MYLK4: variants seen among roughly 807,000 people sequenced by gnomAD.
The protein encoded by MYLK4 is myosin light chain kinase family member 4, also known as caMLCK like.
Under a neutral mutation model 48.1 loss-of-function variants are expected in MYLK4, and 46 were observed. That is an observed-to-expected ratio of 0.96 (90% CI 0.75 to 1.22). The LOEUF (loss-of-function observed/expected upper bound fraction) is 1.22. Ranked by LOEUF, MYLK4 falls within the 50% of genes most tolerant of loss-of-function variation. The pLI is 0.00. For synonymous variants in MYLK4, 170 were observed against 180.8 expected (o/e 0.94, Z 0.48); for missense variants, 451 against 486.1 (o/e 0.93, Z 0.68).
At chr6:2,681,523 A>G (rs910349673) in intron 7 of MYLK4, among the ~76,000 whole-genome samples, 3 of 152,230 alleles carry the variant, frequency 2.0e-5, no homozygotes, top group Non-Finnish European at 4.4e-5. Context: ...TGCAGGATAT[A>G]GAGAAACCGT....
At chr6:2,735,613 T>TGG (rs1435070338) in intron 2 of MYLK4, among the ~76,000 whole-genome samples, 1 of 152,148 alleles carries the variant, frequency 6.6e-6, no homozygotes, top group Non-Finnish European at 1.5e-5. Context: ...ATGATCCCCA[T>TGG]GGGGACGGAG....
chr6:2,766,410 C>T, the MYLK4 span: 2 of 1,600,370 alleles, frequency 1.2e-6, no homozygotes, highest in Non-Finnish European at 1.7e-6. Context: ...GAAATCCCCT[C>T]GCTTATCCTG....
chr6:2,675,319 A>G (rs555349375), intron 10 of MYLK4, among the ~76,000 whole-genome samples, 194 bp from the exon 11 acceptor site: 1 of 152,362 alleles, frequency 6.6e-6, no homozygotes, highest in South Asian at 2.1e-4. Context: ...TCAGGATAAC[A>G]TTAGTAAAGA....
chr6:2,766,527 C>T, the MYLK4 span: 106 of 1,416,902 alleles, frequency 7.5e-5, no homozygotes, highest in Middle Eastern at 7.5e-4. Flanking sequence ...GGTGTGCTGC[C>T]CTCGAAAGAA....
chr6:2,734,479 C>T (rs1470325102), intron 2 of MYLK4, among the ~76,000 whole-genome samples: 2 of 152,022 alleles, frequency 1.3e-5, no homozygotes, highest in African/African-American at 2.4e-5. Flanking sequence ...TGTGTTTTGT[C>T]GGCCTGGGAA....
At chr6:2,716,813 GT>G (rs1187207462) in intron 2 of MYLK4, among the ~76,000 whole-genome samples, 3 of 152,214 alleles carry the variant, frequency 2.0e-5, no homozygotes, top group African/African-American at 7.2e-5. Context: ...ATCTGACAGA[GT>G]TTTTATGAAT....
At chr6:2,695,144 G>A (rs551644725) in intron 2 of MYLK4, among the ~76,000 whole-genome samples, 57 of 152,104 alleles carry the variant, frequency 3.7e-4, no homozygotes, top group Non-Finnish European at 3.8e-4. Flanking sequence ...CAAATTAGTC[G>A]AATAAGACAG....
At chr6:2,714,898 A>G (rs1762811353) in intron 2 of MYLK4, among the ~76,000 whole-genome samples, 1 of 152,248 alleles carries the variant, frequency 6.6e-6, no homozygotes, top group African/African-American at 2.4e-5. Flanking sequence ...ACAGTAGTCA[A>G]ATTCATAGAG....
chr6:2,683,995 C>T (rs1386379536), intron 6 of MYLK4, among the ~76,000 whole-genome samples: 2 of 152,150 alleles, frequency 1.3e-5, no homozygotes, highest in African/African-American at 2.4e-5. Context: ...AGTACTGAAC[C>T]TGTATATACT....
At chr6:2,768,760 A>G in the MYLK4 span, 3 of 1,613,940 alleles carry the variant, frequency 1.9e-6, no homozygotes, top group Non-Finnish European at 2.5e-6. Context: ...ATTATCTGCA[A>G]CAAATGCCAA....
chr6:2,679,278 A>G lies in MYLK4; in HGVS notation c.887+2T>C. 1 of 1,614,134 alleles carries G rather than the reference A, an allele frequency of 6.2e-7. No homozygotes were observed. The highest frequency in any genetic ancestry group is 8.5e-7 in the Non-Finnish European group (1 of 1,180,008). Reference sequence around the variant, plus strand: ...GGTCAGAGACAGAGGAGAGCTACTCACAGCATATAGGCGATGACCCCCACA... The same window carrying G: ...GGTCAGAGACAGAGGAGAGCTACTCGCAGCATATAGGCGATGACCCCCACA... On this transcript the variant is annotated splice_donor_variant, in intron 9 of 12. Coordinates refer to ENST00000274643, the MANE Select transcript of MYLK4 (RefSeq NM_001012418.5). LOFTEE classifies it high-confidence loss of function.
intron 2 of MYLK4, among the ~76,000 whole-genome samples, chr6:2,710,421 C>T (rs910716925): frequency 1.3e-5 from 2 of 152,146 alleles, no homozygotes; most frequent in Non-Finnish European, 2.9e-5. Context: ...TCTCAGGAAA[C>T]CAACCATCAG....
At chr6:2,703,566 T>A (rs933616769) in intron 2 of MYLK4, among the ~76,000 whole-genome samples, 1 of 152,106 alleles carries the variant, frequency 6.6e-6, no homozygotes, top group Non-Finnish European at 1.5e-5. Context: ...CTGGGAGTGA[T>A]TCTGATGCAC....
At chr6:2,734,069 C>T (rs950689850) in intron 2 of MYLK4, among the ~76,000 whole-genome samples, 4 of 152,206 alleles carry the variant, frequency 2.6e-5, no homozygotes, top group South Asian at 2.1e-4. Flanking sequence ...ACCCTGGGAA[C>T]GTATGAGCCA....
In MYLK4 at chr6:2,675,153, T is replaced by C. The variant is rs73348589; in HGVS notation, c.1041-28A>G. On this transcript the variant is annotated intron_variant, in intron 10 of 12. Transcript: ENST00000274643. Reference sequence around the variant, plus strand: ...AGAAGGAAATTCAGAAGGTGATTAGTAGAAACACACCGAAGAAGGCCTGTA... The same window carrying C: ...AGAAGGAAATTCAGAAGGTGATTAGCAGAAACACACCGAAGAAGGCCTGTA... 4.0e-3 allele frequency: 6,174 copies of C among 1,557,710 alleles called. 230 individuals are homozygous for C. In the African/African-American group the frequency reaches 0.073, roughly 18 times the overall value.
At chr6:2,768,671 A>G in the MYLK4 span, 252,486 of 1,580,778 alleles carry the variant, frequency 0.16, 21,768 homozygotes, top group East Asian at 0.31. Flanking sequence ...TTCAAACTCC[A>G]TGTATGTCAT....
intron 2 of MYLK4, among the ~76,000 whole-genome samples, chr6:2,714,620 G>A (rs771493192): frequency 2.6e-5 from 4 of 152,192 alleles, no homozygotes; most frequent in Non-Finnish European, 4.4e-5. Flanking sequence ...ATAGATCCAT[G>A]AGAACTGAAA....
At chr6:2,687,300 TTGA>T (rs1761596552) in intron 4 of MYLK4, among the ~76,000 whole-genome samples, 1 of 152,192 alleles carries the variant, frequency 6.6e-6, no homozygotes, top group Non-Finnish European at 1.5e-5. Context: ...CCACGCACAT[TTGA>T]TCATGCTCCT....
At position 2,667,501 on chromosome 6, in the gene MYLK4, G is replaced by A. The variant is rs1448674787; in HGVS notation, c.*424C>T. The A allele has an allele frequency of 6.6e-6, 1 of 152,214 alleles. No homozygotes were observed. Among genetic ancestry groups the A allele is most frequent in the African/African-American group, 2.4e-5 (1 of 41,418 alleles). 9.4% of individuals were successfully genotyped at this position (152,214 alleles called of 1,614,324 possible). ...CAAAGGCATAGTCTAATGGCTGGAAGTAGCTTTCTCCCTCTAAATGCATCC... is the reference window on the plus strand; with the variant it reads ...CAAAGGCATAGTCTAATGGCTGGAAATAGCTTTCTCCCTCTAAATGCATCC... On this transcript the variant is annotated 3_prime_UTR_variant, in exon 13 of 13. Transcript: ENST00000274643.
Sources: allele counts gnomAD v4.1 joint callset (sites outside exome capture counted in the v4.1 genomes callset), GRCh38; gene constraint gnomAD v4.1.1; transcripts MANE v1.5; gene names NCBI Gene and HGNC (gene_info 2026-07-23, HGNC 2026-07-21).